The following SLC8A3 variants were observed in gnomAD, a reference collection of about 807,000 sequenced individuals.
SLC8A3 encodes the protein solute carrier family 8 member A3, also known as sodium/calcium exchanger 3.
In SLC8A3, 37 loss-of-function variants were observed where a neutral mutation model predicts 65.4. The observed-to-expected ratio is 0.57, with a 90% CI of 0.44 to 0.74. SLC8A3 has a LOEUF of 0.74. Among genes scored for constraint, SLC8A3 ranks in the 30% least tolerant of loss-of-function variants. The pLI is 0.00. For synonymous variants in SLC8A3, 461 were observed against 444.5 expected, an observed-to-expected ratio of 1.04 and a Z score of -0.47; for missense variants, 1,112 against 1,172.1, an observed-to-expected ratio of 0.95 and a Z score of 0.75.
At chr14:70,090,080 T>G (rs1037832311) in intron 2 of SLC8A3, among the ~76,000 whole-genome samples, 1 of 152,176 alleles carries the variant, frequency 6.6e-6, no homozygotes, top group African/African-American at 2.4e-5. Context: ...AGCCATTAAT[T>G]ACCTCATCAC....
intron 2 of SLC8A3, among the ~76,000 whole-genome samples, chr14:70,069,992 T>C (rs1426162144): frequency 6.6e-6 from 1 of 152,072 alleles, no homozygotes; most frequent in African/African-American, 2.4e-5. Context: ...TCTGACTCTA[T>C]TAAAGACCCA....
intron 2 of SLC8A3, among the ~76,000 whole-genome samples, chr14:70,068,437 G>T (rs1183719230): frequency 6.6e-6 from 1 of 152,130 alleles, no homozygotes; most frequent in Non-Finnish European, 1.5e-5. Flanking sequence ...GGAGTGCAGT[G>T]GTGTGATCAT....
chr14:70,116,321 C>CTGTGTGTGTGTGTG (rs55890014), intron 2 of SLC8A3, among the ~76,000 whole-genome samples: 221 of 147,764 alleles, frequency 1.5e-3, no homozygotes, highest in African/African-American at 4.7e-3. Context: ...ATTGAGAACA[C>CTGTGTGTGTGTGTG]TGTGTGTGTG....
At chr14:70,096,277 C>T (rs2140087132) in intron 2 of SLC8A3, among the ~76,000 whole-genome samples, 1 of 152,188 alleles carries the variant, frequency 6.6e-6, no homozygotes, top group East Asian at 1.9e-4. Context: ...CAAGCATCCA[C>T]TTCCTACCCT....
chr14:70,121,510 C>T (rs1231132993), intron 2 of SLC8A3, among the ~76,000 whole-genome samples: 1 of 152,220 alleles, frequency 6.6e-6, no homozygotes, highest in African/African-American at 2.4e-5. Flanking sequence ...GGCCAGTTGC[C>T]TCCTTAAACC....
chr14:70,099,846 A>G (rs534004373), intron 2 of SLC8A3, among the ~76,000 whole-genome samples: 2 of 152,312 alleles, frequency 1.3e-5, no homozygotes, highest in East Asian at 3.9e-4. Context: ...AGCATCTGAT[A>G]ATAAACTCCT....
At chr14:70,165,073 G>A (rs887535877) in intron 2 of SLC8A3, among the ~76,000 whole-genome samples, 1 of 152,206 alleles carries the variant, frequency 6.6e-6, no homozygotes, top group African/African-American at 2.4e-5. Flanking sequence ...CCTACACTGA[G>A]TGCTTATGTC....
At chr14:70,079,376 A>C (rs894741794) in intron 2 of SLC8A3, among the ~76,000 whole-genome samples, 1 of 151,028 alleles carries the variant, frequency 6.6e-6, no homozygotes, top group Admixed American at 6.6e-5. Context: ...GGTGGTGCAC[A>C]TCTGTAATCC....
At chr14:70,154,715 C>A (rs572659203) in intron 2 of SLC8A3, among the ~76,000 whole-genome samples, 1 of 152,166 alleles carries the variant, frequency 6.6e-6, no homozygotes, top group South Asian at 2.1e-4. Context: ...TTTATCACAC[C>A]CTTAGATATA....
chr14:70,091,265 A>G (rs1013289005), intron 2 of SLC8A3, among the ~76,000 whole-genome samples: 1 of 152,232 alleles, frequency 6.6e-6, no homozygotes, highest in Non-Finnish European at 1.5e-5. Flanking sequence ...TGATTTTATA[A>G]TGGAAACCAA....
In SLC8A3 at chr14:70,168,040, A is replaced by G. The variant is rs542041616; in HGVS notation, c.383T>C (p.Val128Ala). Residue 128 changes from valine to alanine, a missense_variant, in exon 2 of 7, where the codon GTC becomes GCC. By Grantham distance (64) the Val-to-Ala change is moderately conservative (BLOSUM62 0). Coordinates refer to ENST00000356921, the MANE Select transcript of SLC8A3 (RefSeq NM_182932.3). ...CAGGTTGGAGACAGTTTCATTCCAG[A>G]CCCGAATAGTGGTTGTGCTGGTTTC... is the stretch of plus-strand genomic sequence containing the variant. ...NGETSTTTIR[V>A]WNETVSNLTL... 1.2e-6 allele frequency: 2 copies of G among 1,614,018 alleles called. No individual in the cohort carries two copies. Among genetic ancestry groups the G allele is most frequent in the African/African-American group, 1.3e-5 (1 of 74,996 alleles).
chr14:70,099,689 C>T (rs1892434947), intron 2 of SLC8A3, among the ~76,000 whole-genome samples: 1 of 152,184 alleles, frequency 6.6e-6, no homozygotes, highest in African/African-American at 2.4e-5. Context: ...GATACACTGC[C>T]TGCAAATATT....
intron 2 of SLC8A3, among the ~76,000 whole-genome samples, chr14:70,142,158 G>C (rs1241979000): frequency 6.6e-6 from 1 of 152,330 alleles, no homozygotes; most frequent in East Asian, 1.9e-4. Flanking sequence ...GGAGAAGCAG[G>C]CCTGATATGG....
At chr14:70,132,294 G>C (rs1384307066) in intron 2 of SLC8A3, among the ~76,000 whole-genome samples, 1 of 152,240 alleles carries the variant, frequency 6.6e-6, no homozygotes, top group Non-Finnish European at 1.5e-5. Context: ...AGCCTTCACT[G>C]TAATATTTGG....
chr14:70,066,988 C>G (rs1052061712), intron 2 of SLC8A3, among the ~76,000 whole-genome samples: 8 of 152,136 alleles, frequency 5.3e-5, no homozygotes, highest in Non-Finnish European at 1.2e-4. Flanking sequence ...ATCATGCATC[C>G]TGTAATTGTA....
chr14:70,184,810 T>G (rs1229276472), intron 1 of SLC8A3, among the ~76,000 whole-genome samples: 1 of 152,220 alleles, frequency 6.6e-6, no homozygotes, highest in Non-Finnish European at 1.5e-5. Context: ...AGGTGGCTGT[T>G]GAATATTTAT....
intron 2 of SLC8A3, among the ~76,000 whole-genome samples, chr14:70,122,898 C>A (rs529523873): frequency 6.6e-6 from 1 of 151,434 alleles, no homozygotes; most frequent in Admixed American, 6.6e-5. Context: ...ATAATGAAAC[C>A]CTGTCTCTAC....
Position 70,172,019 on chromosome 14 carries a change from C to A in SLC8A3, c.-62-3535G>T, listed in dbSNP as rs1897575326. On this transcript the variant is annotated intron_variant, in intron 1 of 6. Transcript: ENST00000356921. ...TTTTATGCAATTGCCCCGGCCCAGA[C>A]ACCAATTGAGATAGATCCCAACATC... is the stretch of plus-strand genomic sequence containing the variant. Among the ~76,000 whole-genome samples, 3 of 152,234 alleles carry A rather than the reference C, an allele frequency of 2.0e-5. No homozygotes were observed. In the South Asian group the frequency reaches 6.2e-4, roughly 32 times the overall value.
intron 2 of SLC8A3, among the ~76,000 whole-genome samples, chr14:70,110,720 A>C (rs10143366): frequency 6.9e-6 from 1 of 145,440 alleles, no homozygotes; most frequent in African/African-American, 2.6e-5. Flanking sequence ...TCGCTCTTTC[A>C]CCCAGGCCAG....
Sources: allele counts gnomAD v4.1 joint callset (sites outside exome capture counted in the v4.1 genomes callset), GRCh38; gene constraint gnomAD v4.1.1; transcripts MANE v1.5; gene names NCBI Gene and HGNC (gene_info 2026-07-23, HGNC 2026-07-21).